SORBS2: variants seen among roughly 807,000 people sequenced by gnomAD.
SORBS2 encodes sorbin and SH3 domain-containing protein 2.
A neutral mutation model predicts 97.7 loss-of-function variants in SORBS2; 46 were observed. The ratio of observed to expected loss-of-function variants is 0.47; its 90% CI spans 0.37 to 0.60. The LOEUF is 0.60. Ranked by LOEUF, SORBS2 falls within the 20% of genes least tolerant of loss-of-function variation. The probability of loss-of-function intolerance (pLI) is 0.00; values close to 1 mark genes in which losing one functional copy is unlikely to be tolerated. For synonymous variants in SORBS2, 476 were observed against 473.4 expected (o/e 1.01, Z -0.07); for missense variants, 1,316 against 1,282.3 (o/e 1.03, Z -0.40).
intron 4 of SORBS2, among the ~76,000 whole-genome samples, chr4:185,669,383 T>C (rs897015369): frequency 6.6e-6 from 1 of 152,202 alleles, no homozygotes; most frequent in African/African-American, 2.4e-5. Context: ...GCTTACTGTC[T>C]CTAAGACCAC....
upstream of SORBS2, chr4:185,657,575 T>C: frequency 6.9e-6 from 11 of 1,588,752 alleles, no homozygotes; most frequent in Non-Finnish European, 7.7e-6. Context: ...CTGCGCATGC[T>C]GGGGATATGT....
chr4:185,725,166 A>C (rs936625221), intron 2 of SORBS2, among the ~76,000 whole-genome samples: 5 of 152,180 alleles, frequency 3.3e-5, no homozygotes, highest in African/African-American at 9.7e-5. Context: ...TCTCCTGTTA[A>C]TATTTATATT....
chr4:185,946,985 C>T (rs1193218634), intron 1 of SORBS2, among the ~76,000 whole-genome samples: 2 of 152,242 alleles, frequency 1.3e-5, no homozygotes, highest in African/African-American at 4.8e-5. Context: ...TGGCCCATGA[C>T]TTAGTGTTCT....
At chr4:185,656,254 T>G (rs1186433721) in intron 1 of SORBS2, among the ~76,000 whole-genome samples, 1 of 152,224 alleles carries the variant, frequency 6.6e-6, no homozygotes, top group Non-Finnish European at 1.5e-5. Flanking sequence ...AAAACCCCAG[T>G]AACTGCTGTA....
chr4:185,782,647 G>A (rs2099036538), intron 1 of SORBS2, among the ~76,000 whole-genome samples: 1 of 152,190 alleles, frequency 6.6e-6, no homozygotes, highest in African/African-American at 2.4e-5. Context: ...CATTCCAATG[G>A]TATGAAACTC....
chr4:185,698,544 A>G (rs1347834753), intron 2 of SORBS2, among the ~76,000 whole-genome samples: 1 of 152,156 alleles, frequency 6.6e-6, no homozygotes, highest in African/African-American at 2.4e-5. Context: ...ACAACATAGG[A>G]AATCAAGCTC....
At chr4:185,746,562 C>T (rs1312217831) in intron 2 of SORBS2, among the ~76,000 whole-genome samples, 1 of 152,164 alleles carries the variant, frequency 6.6e-6, no homozygotes, top group East Asian at 1.9e-4. Context: ...AAGTGGTCCT[C>T]CTGCCTCGGC....
intron 12 of SORBS2, among the ~76,000 whole-genome samples, chr4:185,596,539 T>C (rs1167175627): frequency 7.0e-6 from 1 of 141,916 alleles, no homozygotes; most frequent in Non-Finnish European, 1.5e-5. Context: ...GCTTTTTTTT[T>C]TTTTTTTTTT....
intron 1 of SORBS2, among the ~76,000 whole-genome samples, chr4:185,953,320 C>T (rs1360680962): frequency 6.6e-6 from 1 of 152,118 alleles, no homozygotes; most frequent in Non-Finnish European, 1.5e-5. Context: ...TCTCAAAAAA[C>T]ACAAACAATA....
At chr4:185,645,451 G>A (rs1011995559) in intron 4 of SORBS2, 1 of 151,998 alleles carries the variant, frequency 6.6e-6, no homozygotes, top group Non-Finnish European at 1.5e-5. Context: ...AAAGATATGA[G>A]TTATTTAAAG....
Position 185,612,111 on chromosome 4 carries a change from A to G in SORBS2, c.2596-131T>C, listed in dbSNP as rs999069642. 63 of 648,556 alleles carry G rather than the reference A, an allele frequency of 9.7e-5. 2 individuals are homozygous for G. Among genetic ancestry groups the G allele is most frequent in the Non-Finnish European group, 4.5e-5 (17 of 375,446 alleles). 40.2% of individuals were successfully genotyped at this position (648,556 alleles called of 1,614,324 possible). ...TTATACCTTCAGTTTTTGTTTAATC[A>G]GGGGAGGGCAAGTAAGGTACTAGTG... On this transcript the variant is annotated intron_variant, in intron 11 of 14. Coordinates refer to ENST00000418609, the Ensembl canonical transcript of SORBS2.
intron 2 of SORBS2, among the ~76,000 whole-genome samples, chr4:185,693,418 C>G (rs1315008834): frequency 6.6e-6 from 1 of 152,120 alleles, no homozygotes; most frequent in Non-Finnish European, 1.5e-5. Flanking sequence ...TTAGTTTAAT[C>G]TCTCGGTAGC....
At chr4:185,659,466 G>A (rs575141187), upstream of SORBS2, among the ~76,000 whole-genome samples, 97 of 152,072 alleles carry the variant, frequency 6.4e-4, no homozygotes, top group South Asian at 3.1e-3. Flanking sequence ...ACCCAGGCTG[G>A]AGTGCAGTGG....
chr4:185,596,708 T>A (rs1381248283), intron 12 of SORBS2, among the ~76,000 whole-genome samples: 2 of 151,988 alleles, frequency 1.3e-5, no homozygotes, highest in African/African-American at 2.4e-5. Context: ...CTAATTTTTG[T>A]ATTTTTAGTA....
At chr4:185,793,319 G>A (rs542567965) in intron 1 of SORBS2, among the ~76,000 whole-genome samples, 1 of 152,310 alleles carries the variant, frequency 6.6e-6, no homozygotes, top group South Asian at 2.1e-4. Context: ...TGGGAATAAG[G>A]TCTTTAGAAA....
intron 2 of SORBS2, among the ~76,000 whole-genome samples, chr4:185,706,430 G>A (rs899309686): frequency 6.6e-6 from 1 of 152,154 alleles, no homozygotes; most frequent in African/African-American, 2.4e-5. Flanking sequence ...TTGTAGCAAT[G>A]GAGAATGATT....
rs546491372 is a variant in SORBS2 at position 185,742,219 on chromosome 4, T to C, written c.-198+33008A>G. 1.0e-3 allele frequency among the ~76,000 whole-genome samples: 157 copies of C among 152,348 alleles called. 1 individual carries two copies. Among genetic ancestry groups the C allele is most frequent in the Middle Eastern group, 3.4e-3 (1 of 294 alleles). Reference sequence around the variant, plus strand: ...TTTTCAAGGCTGTTGGCTGGCACTTTAGGGCTAAAGCAAGTGGTGAATTAA... The same window carrying C: ...TTTTCAAGGCTGTTGGCTGGCACTTCAGGGCTAAAGCAAGTGGTGAATTAA... On this transcript the variant is annotated intron_variant, in intron 2 of 20. Transcript: ENST00000284776.
intron 1 of SORBS2, among the ~76,000 whole-genome samples, chr4:185,806,551 G>A (rs1056903659): frequency 7.1e-6 from 1 of 141,698 alleles, no homozygotes; most frequent in Admixed American, 7.4e-5. Flanking sequence ...TCCTCCTCCC[G>A]GGTTCACGCC....
chr4:185,714,793 C>G (rs571615402), intron 2 of SORBS2, among the ~76,000 whole-genome samples: 1 of 152,240 alleles, frequency 6.6e-6, no homozygotes, highest in South Asian at 2.1e-4. Context: ...TGAGGGAAAC[C>G]ACCCCCATGA....
Sources: allele counts gnomAD v4.1 joint callset (sites outside exome capture counted in the v4.1 genomes callset), GRCh38; gene constraint gnomAD v4.1.1; transcripts MANE v1.5; gene names NCBI Gene and HGNC (gene_info 2026-07-23, HGNC 2026-07-21).